MGMT: variants seen among roughly 807,000 people sequenced by gnomAD.
MGMT encodes the protein O-6-methylguanine-DNA methyltransferase.
Under a neutral mutation model 15.9 loss-of-function variants are expected in MGMT, and 14 were observed. The ratio of observed to expected loss-of-function variants is 0.88; its 90% CI spans 0.58 to 1.37. The LOEUF (loss-of-function observed/expected upper bound fraction) is 1.37. Ranked by LOEUF, MGMT falls within the 40% of genes most tolerant of loss-of-function variation. The pLI, the probability that MGMT is intolerant of heterozygous loss-of-function variation, is 0.00. For missense variants in MGMT, 282 were observed against 268.1 expected (o/e 1.05, Z -0.36); for synonymous variants, 130 against 118.2 (o/e 1.10, Z -0.65).
intron 2 of MGMT, among the ~76,000 whole-genome samples, chr10:129,539,461 C>T (rs931768270): frequency 1.2e-4 from 18 of 152,248 alleles, no homozygotes; most frequent in Admixed American, 7.2e-4. Flanking sequence ...GTTCTATGCC[C>T]GTTCCATGCT....
At chr10:129,510,535 T>C (rs1243626026) in intron 1 of MGMT, among the ~76,000 whole-genome samples, 1 of 152,150 alleles carries the variant, frequency 6.6e-6, no homozygotes, top group Admixed American at 6.5e-5. Context: ...CTGACAGATC[T>C]GAAGCTCTGT....
In MGMT at chr10:129,624,467, G is replaced by A. The variant is rs146715989; in HGVS notation, c.126-83428G>A. 5.9e-5 allele frequency among the ~76,000 whole-genome samples: 9 copies of A among 152,240 alleles called. No individual in the cohort carries two copies. In the East Asian group the frequency reaches 1.7e-3, roughly 29 times the overall value. ...GTGGGGAGGCTTTCCTGCTGTAAAG[G>A]GATTATGTATTCATACTCGAAATAG... On this transcript the variant is annotated intron_variant, in intron 2 of 4. Coordinates refer to ENST00000651593, the MANE Select transcript of MGMT (RefSeq NM_002412.5).
chr10:129,569,579 C>T (rs1017320859), intron 2 of MGMT, among the ~76,000 whole-genome samples: 1 of 152,156 alleles, frequency 6.6e-6, no homozygotes, highest in Non-Finnish European at 1.5e-5. Flanking sequence ...TGCTCTTACC[C>T]GGGCCTGACT....
chr10:129,748,135 G>A (rs1011464624), intron 3 of MGMT, among the ~76,000 whole-genome samples: 73 of 152,272 alleles, frequency 4.8e-4, no homozygotes, highest in African/African-American at 1.6e-3. Flanking sequence ...ACTTAGGAAT[G>A]GGGAGTTACG....
At chr10:129,501,067 A>G (rs1175291604) in intron 1 of MGMT, among the ~76,000 whole-genome samples, 1 of 152,218 alleles carries the variant, frequency 6.6e-6, no homozygotes, top group Non-Finnish European at 1.5e-5. Context: ...GTCAGAGTCC[A>G]CTGACAGGCT....
chr10:129,485,449 G>T (rs952161525), intron 1 of MGMT, among the ~76,000 whole-genome samples: 5 of 152,112 alleles, frequency 3.3e-5, no homozygotes, highest in Admixed American at 3.3e-4. Flanking sequence ...ATAGCCCCTG[G>T]CTGCTGTTGT....
intron 3 of MGMT, among the ~76,000 whole-genome samples, chr10:129,743,616 G>T (rs1564782450): frequency 6.6e-6 from 1 of 152,360 alleles, no homozygotes; most frequent in Non-Finnish European, 1.5e-5. Context: ...AATTCACGTA[G>T]TGTGTTGGTT....
intron 2 of MGMT, among the ~76,000 whole-genome samples, chr10:129,547,254 G>T (rs1564848420): frequency 1.3e-5 from 2 of 152,178 alleles, no homozygotes; most frequent in East Asian, 1.9e-4. Flanking sequence ...TCATCCTGCT[G>T]GGGGCGTTAA....
At chr10:129,504,043 C>T (rs1221647037) in intron 1 of MGMT, among the ~76,000 whole-genome samples, 2 of 152,150 alleles carry the variant, frequency 1.3e-5, no homozygotes, top group Non-Finnish European at 2.9e-5. Flanking sequence ...CGTAATCTGC[C>T]TTTTACATTC....
At chr10:129,606,607 A>T (rs985431447) in intron 2 of MGMT, among the ~76,000 whole-genome samples, 2 of 152,222 alleles carry the variant, frequency 1.3e-5, no homozygotes, top group African/African-American at 4.8e-5. Context: ...GTCATATGGA[A>T]ATTTGAAATA....
intron 2 of MGMT, among the ~76,000 whole-genome samples, chr10:129,581,437 C>T (rs1846554579): frequency 6.6e-6 from 1 of 152,164 alleles, no homozygotes; most frequent in Non-Finnish European, 1.5e-5. Context: ...TTGGCATGGT[C>T]TCGCAGCCAA....
intron 1 of MGMT, among the ~76,000 whole-genome samples, chr10:129,520,713 G>GCAGACCC (rs1298405467): frequency 1.4e-5 from 2 of 143,598 alleles, no homozygotes; most frequent in East Asian, 4.3e-4. Context: ...CGGTGAGGGT[G>GCAGACCC]CAGACCCCCT....
At chr10:129,742,643 C>T (rs1054083271) in intron 3 of MGMT, among the ~76,000 whole-genome samples, 4 of 151,178 alleles carry the variant, frequency 2.6e-5, no homozygotes, top group African/African-American at 4.9e-5. Context: ...TCATCAGGGC[C>T]GGGGCATTCA....
At chr10:129,762,142 C>G (rs1471844802) in intron 4 of MGMT, among the ~76,000 whole-genome samples, 2 of 152,190 alleles carry the variant, frequency 1.3e-5, no homozygotes, top group Non-Finnish European at 2.9e-5. Flanking sequence ...CAGCAGTGTC[C>G]CAGCCGGAAG....
At chr10:129,720,919 G>A (rs1003662129) in intron 3 of MGMT, among the ~76,000 whole-genome samples, 1 of 149,044 alleles carries the variant, frequency 6.7e-6, no homozygotes, top group African/African-American at 2.5e-5. Context: ...TCCCTCTTCT[G>A]TTGTAAATTT....
intron 1 of MGMT, among the ~76,000 whole-genome samples, chr10:129,493,351 G>T (rs989537605): frequency 1.3e-5 from 2 of 152,082 alleles, no homozygotes; most frequent in Non-Finnish European, 2.9e-5. Flanking sequence ...TGCTGATGCT[G>T]CCCACTTTCC....
chr10:129,554,952 A>G (rs1287614625), intron 2 of MGMT, among the ~76,000 whole-genome samples: 1 of 152,186 alleles, frequency 6.6e-6, no homozygotes, highest in African/African-American at 2.4e-5. Flanking sequence ...CAGTTTCCCC[A>G]GGTATCACAC....
chr10:129,707,807 G>C (rs1295291615), intron 2 of MGMT, 88 bp from the exon 3 acceptor site: 7 of 1,556,982 alleles, frequency 4.5e-6, no homozygotes, highest in Non-Finnish European at 6.1e-6. Context: ...ACAGGTGTTT[G>C]CCCGTTTAGA....
intron 1 of MGMT, among the ~76,000 whole-genome samples, chr10:129,507,082 C>G (rs1845633224): frequency 6.6e-6 from 1 of 152,156 alleles, no homozygotes. Flanking sequence ...GATGCTTTGC[C>G]AGGCTACAGT....
Sources: allele counts gnomAD v4.1 joint callset (sites outside exome capture counted in the v4.1 genomes callset), GRCh38; gene constraint gnomAD v4.1.1; transcripts MANE v1.5; gene names NCBI Gene and HGNC (gene_info 2026-07-23, HGNC 2026-07-21).